Variants in TSPAN16 observed in about 807,000 individuals in gnomAD.
The protein encoded by TSPAN16 is tetraspanin 16, also known as tetraspanin-16.
In TSPAN16, 23 loss-of-function variants were observed where a neutral mutation model predicts 25.2. The ratio of observed to expected loss-of-function variants is 0.91; its 90% CI spans 0.66 to 1.29. TSPAN16 has a LOEUF of 1.29. Among genes scored for constraint, TSPAN16 ranks in the 50% most tolerant of loss-of-function variants. The pLI is 0.00. For missense variants in TSPAN16, 272 were observed against 299.9 expected (o/e 0.91, Z 0.69); for synonymous variants, 123 against 124.4 (o/e 0.99, Z 0.08).
chr19:11,296,786 C>T (rs761740726), intron 1 of TSPAN16, among the ~76,000 whole-genome samples: 5 of 152,242 alleles, frequency 3.3e-5, no homozygotes, highest in African/African-American at 4.8e-5. Flanking sequence ...TGCCTGTAAT[C>T]CCAACGCTTT....
chr19:11,298,951 G>C lies in TSPAN16; in HGVS notation c.342+5G>C. 1.2e-6 allele frequency: 2 copies of C among 1,613,384 alleles called. No homozygotes were observed. The highest frequency in any genetic ancestry group is 4.5e-5 in the East Asian group (2 of 44,852). ...GTCCTTCTTTTCTTTCCAATTGTAA[G>C]TACAGCCCTGCTCCTCCCACATAGC... On this transcript the variant is annotated splice_donor_5th_base_variant and intron_variant, in intron 3 of 6. Transcript: ENST00000590327.
rs148963941 is a variant in TSPAN16 at position 11,298,166 on chromosome 19, C to G, written c.94C>G (p.Leu32Val). 1 of 1,614,126 alleles carries G rather than the reference C, an allele frequency of 6.2e-7. No homozygotes were observed. The highest frequency in any genetic ancestry group is 8.5e-7 in the Non-Finnish European group (1 of 1,180,026). ...VAVSGIILVG[L>V]GIGGKCGGAS... Reference sequence around the variant, plus strand: ...GGTGTCTGGCATCATCCTAGTTGGCCTGGGCATTGGTGGTAAATGTGGAGG... The same window carrying G: ...GGTGTCTGGCATCATCCTAGTTGGCGTGGGCATTGGTGGTAAATGTGGAGG... Residue 32 changes from leucine to valine, a missense_variant, in exon 2 of 7, where the codon CTG (leucine) becomes GTG (valine). By Grantham distance (32) the Leu-to-Val change is conservative (BLOSUM62 1). Transcript: ENST00000590327.
chr19:11,296,979 G>A (rs559021355), intron 1 of TSPAN16, among the ~76,000 whole-genome samples: 1 of 152,246 alleles, frequency 6.6e-6, no homozygotes, highest in East Asian at 1.9e-4. Context: ...GGCAGAGGTT[G>A]GCAGTGAGCC....
chr19:11,315,938 A>T lies in TSPAN16; in HGVS notation c.*100A>T. ...GTGGCACTCACTGCTTCTGGAGGGG[A>T]GACTGTTAATAAAAGATTTGGGAAC... On this transcript the variant is annotated 3_prime_UTR_variant, in exon 7 of 7. Transcript: ENST00000590327. 1 of 1,229,920 alleles carries T rather than the reference A, an allele frequency of 8.1e-7. No individual in the cohort carries two copies. Among genetic ancestry groups the T allele is most frequent in the Non-Finnish European group, 1.0e-6 (1 of 986,786 alleles). 76.2% of individuals were successfully genotyped at this position (1,229,920 alleles called of 1,614,324 possible).
At chr19:11,311,035 C>G (rs1309754884) in intron 5 of TSPAN16, among the ~76,000 whole-genome samples, 2 of 152,090 alleles carry the variant, frequency 1.3e-5, no homozygotes, top group African/African-American at 4.8e-5. Context: ...CGGGGTTTCG[C>G]TACGTTGTCC....
chr19:11,308,468 T>C (rs1002404054), intron 5 of TSPAN16, among the ~76,000 whole-genome samples: 3 of 150,666 alleles, frequency 2.0e-5, no homozygotes, highest in Non-Finnish European at 3.0e-5. Context: ...CCAGCTAATT[T>C]TTGCATTTTT....
chr19:11,297,090 T>G (rs1484773269), intron 1 of TSPAN16, among the ~76,000 whole-genome samples: 1 of 152,118 alleles, frequency 6.6e-6, no homozygotes, highest in Non-Finnish European at 1.5e-5. Context: ...TTGTCTTCAT[T>G]GTAGCATAGT....
intron 6 of TSPAN16, chr19:11,326,681 G>A: frequency 1.6e-6 from 1 of 644,450 alleles, no homozygotes; most frequent in Non-Finnish European, 2.8e-6. Context: ...ATGGCTCATT[G>A]CAGCCTCAAC....
chr19:11,322,601 C>T (rs1401659302), intron 6 of TSPAN16: 1 of 152,124 alleles, frequency 6.6e-6, no homozygotes, highest in East Asian at 1.9e-4. Context: ...TTTTCAGTCC[C>T]CAGAGACCAT....
Position 11,302,674 on chromosome 19 carries a change from T to TACACAC in TSPAN16, c.450+1367_450+1368insCACACA, listed in dbSNP as rs1388088474. ...ATATACACATACATATATATATATA[T>TACACAC]ATATACACACACACACACACACACA... On this transcript the variant is annotated intron_variant, in intron 4 of 6. Coordinates refer to ENST00000590327, the MANE Select transcript of TSPAN16 (RefSeq NM_001282509.2). 4.9e-3 allele frequency among the ~76,000 whole-genome samples: 630 copies of TACACAC among 128,570 alleles called. 5 individuals carry two copies. Among genetic ancestry groups the TACACAC allele is most frequent in the Admixed American group, 0.021 (269 of 13,106 alleles). The allele number at this position is 128,570 out of a possible 152,430, so 84.3% of individuals were successfully genotyped here. A position where few individuals can be genotyped will look rare whatever the true frequency, so the allele number is the denominator to read the frequency against.
chr19:11,316,118 G>T (rs78693675), downstream of TSPAN16: 21,593 of 106,026 alleles, frequency 0.2, 1,618 homozygotes, highest in South Asian at 0.4. Context: ...TGTGTGTGTG[G>T]TTTTTTTTTT....
downstream of TSPAN16, among the ~76,000 whole-genome samples, chr19:11,317,851 G>A (rs2080756975): frequency 1.3e-5 from 2 of 151,486 alleles, no homozygotes; most frequent in Non-Finnish European, 2.9e-5. Flanking sequence ...GAAATGCTTG[G>A]GGAGTGCCAG....
chr19:11,297,743 T>G (rs2080494668), intron 1 of TSPAN16, among the ~76,000 whole-genome samples: 1 of 152,108 alleles, frequency 6.6e-6, no homozygotes, highest in Non-Finnish European at 1.5e-5. Flanking sequence ...GTGATCCACC[T>G]GCTTCGGCCT....
chr19:11,318,873 C>T (rs939845958), downstream of TSPAN16, among the ~76,000 whole-genome samples: 1 of 151,994 alleles, frequency 6.6e-6, no homozygotes, highest in African/African-American at 2.4e-5. Context: ...TCTGGAACTC[C>T]TGACCTCAAG....
At chr19:11,316,086 G>GGTGTGT (rs147500274), downstream of TSPAN16, 24,640 of 256,988 alleles carry the variant, frequency 0.096, 2,186 homozygotes, top group Admixed American at 0.2. Context: ...AATTATTCTT[G>GGTGTGT]GTGTGTGTGT....
At chr19:11,317,422 T>A (rs1360599113), downstream of TSPAN16, among the ~76,000 whole-genome samples, 1 of 151,966 alleles carries the variant, frequency 6.6e-6, no homozygotes, top group East Asian at 1.9e-4. Flanking sequence ...CTCAAGGGAG[T>A]CTCCCATGTC....
intron 2 of TSPAN16, 39 bp downstream of exon 2, chr19:11,298,378 C>CCA (rs769642772): frequency 3.1e-6 from 5 of 1,592,846 alleles, no homozygotes; most frequent in Non-Finnish European, 1.7e-6. Context: ...AACTGCCTCC[C>CCA]CACACACACA....
intron 6 of TSPAN16, among the ~76,000 whole-genome samples, chr19:11,325,906 T>A (rs1430759595): frequency 6.6e-6 from 1 of 151,546 alleles, no homozygotes; most frequent in Admixed American, 6.6e-5. Flanking sequence ...AGGCCCTATC[T>A]CTACAATAAA....
intron 5 of TSPAN16, among the ~76,000 whole-genome samples, chr19:11,311,003 ATTTT>A (rs933983279): frequency 2.6e-5 from 4 of 151,872 alleles, no homozygotes; most frequent in Non-Finnish European, 1.5e-5. Context: ...ACACTGGCTA[ATTTT>A]TTTATTTTTT....
Sources: gnomAD v4.1 joint callset for allele counts (sites outside exome capture counted in the v4.1 genomes callset) on GRCh38, gnomAD v4.1.1 for gene constraint, MANE v1.5 for transcripts, NCBI Gene and HGNC (gene_info 2026-07-23, HGNC 2026-07-21) for gene names.